The following BIN3 variants were observed in gnomAD, a reference collection of about 807,000 sequenced individuals.
BIN3 encodes bridging integrator 3.
BIN3 carries 41 observed loss-of-function variants against 38.2 expected under a neutral mutation model. The ratio of observed to expected loss-of-function variants is 1.07; its 90% CI spans 0.84 to 1.39. The LOEUF (loss-of-function observed/expected upper bound fraction) is 1.39. Among genes scored for constraint, BIN3 ranks in the 40% most tolerant of loss-of-function variants. The probability of loss-of-function intolerance (pLI) is 0.00; values close to 1 mark genes in which losing one functional copy is unlikely to be tolerated. For missense variants in BIN3, 361 were observed against 324.3 expected (o/e 1.11, Z -0.87); for synonymous variants, 145 against 122.6 (o/e 1.18, Z -1.21).
chr8:22,637,774 C>T (rs1320045582), intron 2 of BIN3, among the ~76,000 whole-genome samples: 1 of 152,194 alleles, frequency 6.6e-6, no homozygotes, highest in Non-Finnish European at 1.5e-5. Context: ...AGCTAGAGGC[C>T]TGCCCTCCCT....
At chr8:22,639,530 C>A (rs551017843) in intron 2 of BIN3, among the ~76,000 whole-genome samples, 3 of 152,320 alleles carry the variant, frequency 2.0e-5, no homozygotes, top group South Asian at 4.1e-4. Context: ...CCTCACCCAG[C>A]CAACTTTAGG....
At chr8:22,661,122 C>T (rs546198920) in intron 1 of BIN3, among the ~76,000 whole-genome samples, 47 of 152,160 alleles carry the variant, frequency 3.1e-4, no homozygotes, top group African/African-American at 9.4e-4. Context: ...TGGACTCAAG[C>T]GATCCTCCCG....
At chr8:22,625,478 G>A (rs1409352346) in intron 6 of BIN3, 3 of 697,726 alleles carry the variant, frequency 4.3e-6, no homozygotes, top group Non-Finnish European at 7.9e-6. Flanking sequence ...TACTGAGACT[G>A]GGATCATAGG....
At chr8:22,655,299 GT>G (rs58623241) in intron 1 of BIN3, among the ~76,000 whole-genome samples, 16,755 of 152,096 alleles carry the variant, frequency 0.11, 1,937 homozygotes, top group African/African-American at 0.29. Context: ...CAATTTATCT[GT>G]TTTTTCTTTT....
chr8:22,622,421 G>A (rs56003328), intron 8 of BIN3: 1,632 of 152,424 alleles, frequency 0.011, 20 homozygotes, highest in African/African-American at 0.035. Flanking sequence ...TCCGCCGGCC[G>A]AGGGGGTGCT....
rs1802125636 is a variant in BIN3 at position 22,629,787 on chromosome 8, C to T, written c.338+177G>A. The T allele has an allele frequency of 2.3e-5, 15 of 666,152 alleles. 1 individual carries two copies. In the South Asian group the frequency reaches 2.6e-4, roughly 11 times the overall value. The allele number at this position is 666,152 out of a possible 1,614,324, so 41.3% of individuals were successfully genotyped here. A position where few individuals can be genotyped will look rare whatever the true frequency, so the allele number is the denominator to read the frequency against. ...CTGGGCCATGTGGGTACTCTGGAGC[C>T]CCCAGGAGCATGGACGCTTAGGCCA... is the stretch of plus-strand genomic sequence containing the variant. On this transcript the variant is annotated intron_variant, in intron 6 of 8. Transcript: ENST00000276416.
intron 1 of BIN3, among the ~76,000 whole-genome samples, chr8:22,647,445 CAA>C (rs1279157163): frequency 6.6e-6 from 1 of 152,188 alleles, no homozygotes; most frequent in Non-Finnish European, 1.5e-5. Context: ...TGCTGGCTCA[CAA>C]GAGAACAAGG....
chr8:22,667,762 C>T (rs1264370675), intron 1 of BIN3, among the ~76,000 whole-genome samples: 1 of 152,180 alleles, frequency 6.6e-6, no homozygotes, highest in Non-Finnish European at 1.5e-5. Context: ...GGCTTTCCTC[C>T]CGTGCTTGCG....
In BIN3 at chr8:22,656,320, T is replaced by A. The variant is rs546812920; in HGVS notation, c.9-11517A>T. ...ATGTGAAGTTTTAGCTCTATACATG[T>A]CTTAGGTTCATTCCATGAAGTTTTA... On this transcript the variant is annotated intron_variant, in intron 1 of 8. Transcript: ENST00000276416. Among the ~76,000 whole-genome samples the A allele has an allele frequency of 2.0e-5, 3 of 152,018 alleles. No individual in the cohort carries two copies. The East Asian group carries it at 5.8e-4, about 29-fold the overall frequency.
chr8:22,629,909 T>A (rs6558171), intron 6 of BIN3, 55 bp downstream of exon 6: 7 of 1,512,892 alleles, frequency 4.6e-6, no homozygotes, highest in Non-Finnish European at 6.3e-6. Context: ...CCCAAGTGGC[T>A]GCTGACCTGC....
chr8:22,649,859 C>CACACACATACACACACA (rs1563973928), intron 1 of BIN3, among the ~76,000 whole-genome samples: 79 of 133,650 alleles, frequency 5.9e-4, no homozygotes, highest in East Asian at 1.6e-3. Context: ...ACACACACAC[C>CACACACATACACACACA]CCCAAAGGAA....
intron 2 of BIN3, among the ~76,000 whole-genome samples, chr8:22,637,243 G>A (rs1481435936): frequency 3.3e-5 from 5 of 152,264 alleles, no homozygotes; most frequent in African/African-American, 7.2e-5. Context: ...CAAGGCACTC[G>A]CTGCATGCCC....
At chr8:22,666,870 C>A (rs1037377808) in intron 1 of BIN3, among the ~76,000 whole-genome samples, 2 of 152,144 alleles carry the variant, frequency 1.3e-5, no homozygotes, top group African/African-American at 4.8e-5. Context: ...GATGGCTCTA[C>A]GTCACTCTGG....
Position 22,640,631 on chromosome 8 carries a change from G to A in BIN3, c.58-3669C>T, listed in dbSNP as rs181391183. Among the ~76,000 whole-genome samples, 599 of 152,280 alleles carry A rather than the reference G, an allele frequency of 3.9e-3. 5 individuals are homozygous for A. Among genetic ancestry groups the A allele is most frequent in the Non-Finnish European group, 5.6e-3 (383 of 68,022 alleles). ...CCCTCTAGAGATCCAGAACACACAG[G>A]GGGCGCTCTTTGGGAGGGGTGCTGA... On this transcript the variant is annotated intron_variant, in intron 2 of 8. Coordinates refer to ENST00000276416, the MANE Select transcript of BIN3 (RefSeq NM_018688.6).
At chr8:22,642,061 G>A (rs963460985) in intron 2 of BIN3, among the ~76,000 whole-genome samples, 4 of 152,176 alleles carry the variant, frequency 2.6e-5, no homozygotes, top group African/African-American at 9.7e-5. Context: ...TTAATAACCT[G>A]GGCACAGGAG....
chr8:22,647,371 C>A (rs1352809856), intron 1 of BIN3, among the ~76,000 whole-genome samples: 1 of 152,276 alleles, frequency 6.6e-6, no homozygotes, highest in African/African-American at 2.4e-5. Flanking sequence ...CCCAGTTCAA[C>A]CCTCTCCTTT....
Position 22,621,407 on chromosome 8 carries a change from A to G in BIN3, c.*15T>C, listed in dbSNP as rs1322137177. On this transcript the variant is annotated 3_prime_UTR_variant, in exon 9 of 9. Transcript: ENST00000276416. ...GCTGACCACGTCACAGGAGTCCTCCAAGAGTGACGGGGATTCAGTCATCGG... is the reference window on the plus strand; with the variant it reads ...GCTGACCACGTCACAGGAGTCCTCCGAGAGTGACGGGGATTCAGTCATCGG... 2 of 1,610,124 alleles carry G rather than the reference A, an allele frequency of 1.2e-6. No individual in the cohort carries two copies. Among genetic ancestry groups the G allele is most frequent in the Non-Finnish European group, 8.5e-7 (1 of 1,178,248 alleles).
chr8:22,647,077 C>T (rs964455833), intron 1 of BIN3, among the ~76,000 whole-genome samples: 1 of 152,204 alleles, frequency 6.6e-6, no homozygotes, highest in Admixed American at 6.5e-5. Context: ...CTCTCTGGAG[C>T]CCAGTTTCTT....
intron 1 of BIN3, chr8:22,645,032 C>A: frequency 6.2e-6 from 3 of 482,984 alleles, no homozygotes; most frequent in South Asian, 2.3e-5. Context: ...TTGCTCTGCC[C>A]CAGAACATCT....
Sources: gnomAD v4.1 joint callset for allele counts (sites outside exome capture counted in the v4.1 genomes callset) on GRCh38, gnomAD v4.1.1 for gene constraint, MANE v1.5 for transcripts, NCBI Gene and HGNC (gene_info 2026-07-23, HGNC 2026-07-21) for gene names.